LINGO2: variants seen among roughly 807,000 people sequenced by gnomAD.
LINGO2 encodes the protein leucine-rich repeat and immunoglobulin-like domain-containing nogo receptor-interacting protein 2.
In LINGO2, 14 loss-of-function variants were observed where a neutral mutation model predicts 30.6. The observed-to-expected ratio is 0.46, with a 90% CI of 0.30 to 0.72. The LOEUF is 0.72. LINGO2 is among the 30% of genes least tolerant of loss of function. LINGO2 has a pLI of 0.07. For missense variants in LINGO2, 729 were observed against 751.7 expected (o/e 0.97, Z 0.35); for synonymous variants, 317 against 288.5 (o/e 1.10, Z -1.00).
At chr9:28,979,075 C>T in the LINGO2 span, among the ~76,000 whole-genome samples, 2 of 151,982 alleles carry the variant, frequency 1.3e-5, no homozygotes, top group Non-Finnish European at 2.9e-5. Context: ...GCTGTCTGCT[C>T]TTTTGTTTTT....
chr9:28,925,879 G>C, the LINGO2 span, among the ~76,000 whole-genome samples: 2 of 152,164 alleles, frequency 1.3e-5, no homozygotes, highest in Non-Finnish European at 2.9e-5. Flanking sequence ...GTGAGTTTAT[G>C]CCACATAGAG....
chr9:28,206,479 C>T (rs559147032), intron 4 of LINGO2, among the ~76,000 whole-genome samples: 1 of 152,192 alleles, frequency 6.6e-6, no homozygotes, highest in South Asian at 2.1e-4. Context: ...CTGCACTGTC[C>T]AAGGTTTCAA....
At chr9:29,095,694 G>A in the LINGO2 span, among the ~76,000 whole-genome samples, 2 of 139,150 alleles carry the variant, frequency 1.4e-5, 1 homozygote, top group South Asian at 4.5e-4. Flanking sequence ...CCGGAAGATA[G>A]TACTTGGTAT....
chr9:27,966,839 A>G (rs1587562133), intron 5 of LINGO2, among the ~76,000 whole-genome samples: 1 of 152,304 alleles, frequency 6.6e-6, no homozygotes, highest in South Asian at 2.1e-4. Flanking sequence ...ACCCAGGCCC[A>G]TCTAGATAGA....
chr9:28,777,603 G>C, the LINGO2 span, among the ~76,000 whole-genome samples: 1 of 152,292 alleles, frequency 6.6e-6, no homozygotes, highest in East Asian at 1.9e-4. Flanking sequence ...TAATACGAGA[G>C]AGTTACAGGC....
chr9:29,014,758 C>T, the LINGO2 span, among the ~76,000 whole-genome samples: 3 of 152,038 alleles, frequency 2.0e-5, no homozygotes, highest in African/African-American at 2.4e-5. Flanking sequence ...CTTGGTACTG[C>T]GGTGGAACTT....
At chr9:28,354,715 A>G (rs889439364) in intron 3 of LINGO2, among the ~76,000 whole-genome samples, 3 of 152,192 alleles carry the variant, frequency 2.0e-5, no homozygotes, top group Admixed American at 6.5e-5. Flanking sequence ...TACACATTTT[A>G]AAACATTTTT....
rs1284577228 is a variant in LINGO2 at position 28,143,342 on chromosome 9, C to T, written c.-86-130937G>A. 2.0e-5 allele frequency among the ~76,000 whole-genome samples: 3 copies of T among 152,020 alleles called. No individual in the cohort carries two copies. The East Asian group carries it at 5.8e-4, about 29-fold the overall frequency. On this transcript the variant is annotated intron_variant, in intron 4 of 5. Coordinates refer to ENST00000379992, the Ensembl canonical transcript of LINGO2. ...AATTCTAAGGACTGGAATTGGATTC[C>T]AATTCTAAGAGTCATTGGATTGCTT...
At chr9:28,244,946 C>T (rs981373708) in intron 4 of LINGO2, among the ~76,000 whole-genome samples, 7 of 152,126 alleles carry the variant, frequency 4.6e-5, no homozygotes, top group African/African-American at 1.7e-4. Flanking sequence ...TCCTCCCTAA[C>T]TTATTTTATG....
chr9:28,016,061 A>T (rs2119307657), intron 4 of LINGO2, among the ~76,000 whole-genome samples: 1 of 151,514 alleles, frequency 6.6e-6, no homozygotes, highest in Middle Eastern at 3.4e-3. Context: ...CTGAAGTTTA[A>T]TGGAGGCTTC....
chr9:29,045,972 T>G, the LINGO2 span, among the ~76,000 whole-genome samples: 1 of 152,164 alleles, frequency 6.6e-6, no homozygotes, highest in Non-Finnish European at 1.5e-5. Context: ...GGAAAGCTAT[T>G]GTATATTAAT....
At chr9:28,367,497 T>A (rs1820723376) in intron 3 of LINGO2, among the ~76,000 whole-genome samples, 1 of 152,120 alleles carries the variant, frequency 6.6e-6, no homozygotes, top group Non-Finnish European at 1.5e-5. Context: ...CTTATATTCA[T>A]GACCTTATTT....
the LINGO2 span, among the ~76,000 whole-genome samples, chr9:28,764,971 A>G: frequency 4.6e-5 from 7 of 152,144 alleles, no homozygotes; most frequent in Admixed American, 4.6e-4. Context: ...ACTGAACATT[A>G]TACTTTCATA....
chr9:29,024,484 T>C, the LINGO2 span, among the ~76,000 whole-genome samples: 1 of 152,112 alleles, frequency 6.6e-6, no homozygotes, highest in Non-Finnish European at 1.5e-5. Flanking sequence ...TCACTTCCCA[T>C]TCAAGTTACT....
chr9:28,903,189 CATT>C, the LINGO2 span, among the ~76,000 whole-genome samples: 5 of 151,752 alleles, frequency 3.3e-5, no homozygotes, highest in African/African-American at 1.2e-4. Flanking sequence ...GAAAGAGAGA[CATT>C]ATAATTGTTA....
At chr9:28,538,029 A>T (rs1316408406) in intron 1 of LINGO2, among the ~76,000 whole-genome samples, 2 of 152,086 alleles carry the variant, frequency 1.3e-5, no homozygotes, top group African/African-American at 2.4e-5. Flanking sequence ...CAGTGAAAAA[A>T]TAGATTTTAA....
At chr9:29,069,836 T>C in the LINGO2 span, among the ~76,000 whole-genome samples, 1 of 152,092 alleles carries the variant, frequency 6.6e-6, no homozygotes, top group African/African-American at 2.4e-5. Context: ...TATTATTCTA[T>C]TTTTAATAGA....
At chr9:28,768,719 T>C in the LINGO2 span, among the ~76,000 whole-genome samples, 1 of 151,966 alleles carries the variant, frequency 6.6e-6, no homozygotes, top group Non-Finnish European at 1.5e-5. Flanking sequence ...TTTTTAAACA[T>C]GTCATCTCAT....
the LINGO2 span, among the ~76,000 whole-genome samples, chr9:29,038,769 T>G: frequency 6.6e-6 from 1 of 151,956 alleles, no homozygotes; most frequent in Non-Finnish European, 1.5e-5. Flanking sequence ...TTTCAAATTA[T>G]TTTATTATCT....
Sources: gnomAD v4.1 joint callset for allele counts (sites outside exome capture counted in the v4.1 genomes callset) on GRCh38, gnomAD v4.1.1 for gene constraint, MANE v1.5 for transcripts, NCBI Gene and HGNC (gene_info 2026-07-23, HGNC 2026-07-21) for gene names.